CCDC73: variants seen among roughly 807,000 people sequenced by gnomAD.
The protein encoded by CCDC73 is coiled-coil domain containing 73.
Under a neutral mutation model 116.5 loss-of-function variants are expected in CCDC73, and 95 were observed. The ratio of observed to expected loss-of-function variants is 0.82; its 90% CI spans 0.69 to 0.97. CCDC73 has a LOEUF of 0.97. CCDC73 is among the 50% of genes least tolerant of loss of function. The pLI is 0.00. For missense variants in CCDC73, 1,066 were observed against 1,206.8 expected, an observed-to-expected ratio of 0.88 and a Z score of 1.73; for synonymous variants, 398 against 401.3, an observed-to-expected ratio of 0.99 and a Z score of 0.10.
At chr11:32,712,886 G>A (rs1201126574) in intron 3 of CCDC73, among the ~76,000 whole-genome samples, 1 of 151,764 alleles carries the variant, frequency 6.6e-6, no homozygotes, top group Non-Finnish European at 1.5e-5. Flanking sequence ...TAAAGAGATG[G>A]GGATTGAACA....
the CCDC73 span, among the ~76,000 whole-genome samples, chr11:32,804,056 C>G: frequency 1.3e-5 from 2 of 152,000 alleles, no homozygotes; most frequent in African/African-American, 4.8e-5. Context: ...GTGATCCACC[C>G]ACCTCGGCCT....
intron 1 of CCDC73, among the ~76,000 whole-genome samples, chr11:32,766,158 C>G (rs1850439793): frequency 6.6e-6 from 1 of 152,070 alleles, no homozygotes; most frequent in African/African-American, 2.4e-5. Context: ...TCAACATATG[C>G]AAATCAATAA....
chr11:32,791,922 G>A (rs1410875330), intron 1 of CCDC73, among the ~76,000 whole-genome samples: 5 of 151,386 alleles, frequency 3.3e-5, no homozygotes, highest in Non-Finnish European at 5.9e-5. Context: ...CCAAGATCAC[G>A]CCACTGTACT....
chr11:32,700,688 T>G (rs115854772), intron 5 of CCDC73, 103 bp downstream of exon 5: 1 of 556,044 alleles, frequency 1.8e-6, no homozygotes, highest in South Asian at 2.7e-5. Flanking sequence ...TTTTCTCTTA[T>G]GGTAAACAAT....
At chr11:32,747,374 G>A (rs902627966) in intron 2 of CCDC73, among the ~76,000 whole-genome samples, 1 of 152,184 alleles carries the variant, frequency 6.6e-6, no homozygotes, top group Non-Finnish European at 1.5e-5. Context: ...CTCCCAGTCA[G>A]GCTAAAGGGG....
intron 1 of CCDC73, among the ~76,000 whole-genome samples, chr11:32,764,643 C>G (rs1195555275): frequency 6.6e-6 from 1 of 152,192 alleles, no homozygotes; most frequent in Non-Finnish European, 1.5e-5. Context: ...CAACCAGTAC[C>G]AGCCACTGCA....
At position 32,614,324 on chromosome 11, in the gene CCDC73, ATTTGT is replaced by A. The variant is rs770740295; in HGVS notation, c.1989_1993del (p.Lys663AsnfsTer6). 15 of 1,611,618 alleles carry A rather than the reference ATTTGT, an allele frequency of 9.3e-6. No homozygotes were observed. The highest frequency in any genetic ancestry group is 7.7e-5 in the South Asian group (7 of 91,002). On this transcript the variant is annotated frameshift_variant, in exon 16 of 18. Transcript: ENST00000335185. LOFTEE classifies it high-confidence loss of function. ...CTCACTTTTTTTAGTTAACAGTTGT[ATTTGT>A]TTTATTTTACATTGTTTATCATCTA...
At chr11:32,739,532 T>G (rs1850165360) in intron 2 of CCDC73, among the ~76,000 whole-genome samples, 1 of 152,192 alleles carries the variant, frequency 6.6e-6, no homozygotes, top group South Asian at 2.1e-4. Flanking sequence ...CTACTGGTTT[T>G]TGTATGATGA....
Position 32,731,249 on chromosome 11 carries a change from C to T in CCDC73, c.136-13102G>A, listed in dbSNP as rs189160100. ...GGAGAGGCGCCCACCACTGCTGAGG[C>T]TTGAGTAGGTAAACAAAGTGGCCAG... On this transcript the variant is annotated intron_variant, in intron 2 of 17. Coordinates refer to ENST00000335185, the MANE Select transcript of CCDC73 (RefSeq NM_001008391.4). 5.2e-3 allele frequency among the ~76,000 whole-genome samples: 796 copies of T among 152,118 alleles called. 9 individuals carry two copies. Among genetic ancestry groups the T allele is most frequent in the African/African-American group, 0.017 (696 of 41,546 alleles).
intron 13 of CCDC73, among the ~76,000 whole-genome samples, chr11:32,639,861 AT>A (rs1855716971): frequency 6.6e-6 from 1 of 152,254 alleles, no homozygotes; most frequent in Non-Finnish European, 1.5e-5. Flanking sequence ...ATAAAAAGAT[AT>A]ACATAACATT....
intron 2 of CCDC73, 105 bp downstream of exon 2, chr11:32,760,004 T>C (rs1850377324): frequency 1.1e-6 from 1 of 915,852 alleles, no homozygotes; most frequent in Non-Finnish European, 1.7e-6. Context: ...TATATTTTAT[T>C]TCTAAACAAG....
intron 5 of CCDC73, among the ~76,000 whole-genome samples, chr11:32,699,928 A>G (rs4267044): frequency 0.15 from 23,214 of 149,776 alleles, 1,924 homozygotes; most frequent in South Asian, 0.27. Flanking sequence ...TCTACTTTAA[A>G]CCAAATATTT....
At chr11:32,751,348 A>G (rs1212948532) in intron 2 of CCDC73, among the ~76,000 whole-genome samples, 1 of 152,080 alleles carries the variant, frequency 6.6e-6, no homozygotes, top group African/African-American at 2.4e-5. Flanking sequence ...GCTCTCTCCA[A>G]TGGCTCCGAG....
intron 14 of CCDC73, among the ~76,000 whole-genome samples, chr11:32,632,515 C>T (rs1357280819): frequency 3.3e-5 from 5 of 152,082 alleles, no homozygotes; most frequent in Non-Finnish European, 5.9e-5. Flanking sequence ...TGTGAGCCAC[C>T]GTGCCCGGCC....
chr11:32,775,988 T>C (rs889008653), intron 1 of CCDC73, among the ~76,000 whole-genome samples: 1 of 152,222 alleles, frequency 6.6e-6, no homozygotes, highest in African/African-American at 2.4e-5. Context: ...TCATGTATTC[T>C]ATTTTAATCT....
the CCDC73 span, among the ~76,000 whole-genome samples, chr11:32,812,395 G>A: frequency 6.6e-6 from 1 of 152,202 alleles, no homozygotes; most frequent in Non-Finnish European, 1.5e-5. Context: ...GCCGGGCGCA[G>A]TGGCTCACAC....
At chr11:32,686,316 CTTAATT>C (rs1390656265) in intron 6 of CCDC73, among the ~76,000 whole-genome samples, 1 of 140,664 alleles carries the variant, frequency 7.1e-6, no homozygotes, top group African/African-American at 2.6e-5. Flanking sequence ...ATTTTAGAAA[CTTAATT>C]TTAAACATGT....
upstream of CCDC73, among the ~76,000 whole-genome samples, chr11:32,798,895 T>TTTTG (rs1233448263): frequency 5.1e-5 from 7 of 137,030 alleles, no homozygotes; most frequent in African/African-American, 8.2e-5. Flanking sequence ...GTTTTTGCGT[T>TTTTG]TTTGTTTGTT....
At chr11:32,783,226 G>GAA (rs1850598111) in intron 1 of CCDC73, among the ~76,000 whole-genome samples, 1 of 152,056 alleles carries the variant, frequency 6.6e-6, no homozygotes, top group Non-Finnish European at 1.5e-5. Flanking sequence ...CATAATGGAA[G>GAA]CTAGAATAAA....
Sources: allele counts gnomAD v4.1 joint callset (sites outside exome capture counted in the v4.1 genomes callset), GRCh38; gene constraint gnomAD v4.1.1; transcripts MANE v1.5; gene names NCBI Gene and HGNC (gene_info 2026-07-23, HGNC 2026-07-21).